ARFGEF1: variants seen among roughly 807,000 people sequenced by gnomAD.
The protein encoded by ARFGEF1 is brefeldin A-inhibited guanine nucleotide-exchange protein 1.
A neutral mutation model predicts 231.0 loss-of-function variants in ARFGEF1; 42 were observed. The observed-to-expected ratio is 0.18, with a 90% CI of 0.14 to 0.24. The LOEUF (loss-of-function observed/expected upper bound fraction) is 0.24, where lower values mean the gene tolerates loss of function less well. Ranked by LOEUF, ARFGEF1 falls within the 10% of genes least tolerant of loss-of-function variation. ARFGEF1 has a pLI of 1.00. For missense variants in ARFGEF1, 1,345 were observed against 2,192.0 expected (o/e 0.61, Z 7.72); for synonymous variants, 710 against 732.3 (o/e 0.97, Z 0.49).
chr8:67,193,650 T>C (rs749019476), downstream of ARFGEF1: 39 of 1,527,380 alleles, frequency 2.6e-5, no homozygotes, highest in Non-Finnish European at 3.4e-5. Context: ...GTATGAACTT[T>C]TAAACTTTCT....
intron 5 of ARFGEF1, among the ~76,000 whole-genome samples, chr8:67,176,756 A>G (rs1831749717): frequency 6.6e-6 from 1 of 152,124 alleles, no homozygotes; most frequent in African/African-American, 2.4e-5. Context: ...AGTAGACACT[A>G]TGAAGACCTA....
At chr8:67,301,892 T>C (rs138356128) in intron 2 of ARFGEF1, among the ~76,000 whole-genome samples, 1 of 152,224 alleles carries the variant, frequency 6.6e-6, no homozygotes. Flanking sequence ...CTTATTTATA[T>C]GAGAATCTTT....
intron 6 of ARFGEF1, among the ~76,000 whole-genome samples, chr8:67,289,776 C>G (rs1446382635): frequency 6.6e-6 from 1 of 152,080 alleles, no homozygotes; most frequent in Non-Finnish European, 1.5e-5. Flanking sequence ...CATTTAGAGT[C>G]TTCTGTGAAT....
intron 29 of ARFGEF1, among the ~76,000 whole-genome samples, chr8:67,222,471 G>T (rs1274048558): frequency 6.6e-6 from 1 of 151,574 alleles, no homozygotes; most frequent in Non-Finnish European, 1.5e-5. Flanking sequence ...TTTTTATTTT[G>T]AGACAGAGTC....
At chr8:67,231,534 T>C (rs1188991871) in intron 23 of ARFGEF1, among the ~76,000 whole-genome samples, 1 of 152,048 alleles carries the variant, frequency 6.6e-6, no homozygotes, top group African/African-American at 2.4e-5. Flanking sequence ...TCATATAAAG[T>C]ACATTATAAA....
At chr8:67,310,092 C>G (rs1353475834) in intron 1 of ARFGEF1, among the ~76,000 whole-genome samples, 1 of 151,850 alleles carries the variant, frequency 6.6e-6, no homozygotes, top group African/African-American at 2.4e-5. Flanking sequence ...AATCGCTCCC[C>G]TCTCCCTCTC....
chr8:67,276,053 T>C lies in ARFGEF1; in HGVS notation c.1260A>G (p.Gln420=). 6.2e-7 allele frequency: 1 copy of C among 1,613,508 alleles called. No homozygotes were observed. Reference sequence around the variant, plus strand: ...ACCTGAATACTAGAAAGGCATCCTTTTGTAAAATGTGGGAAAACTTAGCAC... The same window carrying C: ...ACCTGAATACTAGAAAGGCATCCTTCTGTAAAATGTGGGAAAACTTAGCAC... The part of the protein sequence containing the change: ...SPGAKFSHIL[Q]KDAFLVFRSL... Residue 420 remains glutamine (Q), a synonymous_variant, in exon 9 of 39, where the codon CAA becomes CAG. Transcript: ENST00000262215.
intron 5 of ARFGEF1, among the ~76,000 whole-genome samples, chr8:67,188,751 T>G (rs1835380483): frequency 6.6e-6 from 1 of 152,108 alleles, no homozygotes; most frequent in Admixed American, 6.5e-5. Context: ...TCCAGCGGGG[T>G]GGCACCCACT....
chr8:67,197,630 A>AATGAAAC, downstream of ARFGEF1: 1 of 985,832 alleles, frequency 1.0e-6, no homozygotes, highest in Non-Finnish European at 1.2e-6. Flanking sequence ...GACCAGAATC[A>AATGAAAC]ATGAAACATG....
chr8:67,177,508 T>TGGATGCAG (rs1831981565), intron 5 of ARFGEF1, among the ~76,000 whole-genome samples: 1 of 152,270 alleles, frequency 6.6e-6, no homozygotes, highest in African/African-American at 2.4e-5. Context: ...GCAGCTAGAA[T>TGGATGCAG]GGATGCAGGG....
At chr8:67,222,416 C>G (rs907594693) in intron 29 of ARFGEF1, among the ~76,000 whole-genome samples, 1 of 151,292 alleles carries the variant, frequency 6.6e-6, no homozygotes, top group African/African-American at 2.4e-5. Context: ...CAGGTGTGCA[C>G]CACCACACCC....
intron 34 of ARFGEF1, among the ~76,000 whole-genome samples, chr8:67,211,254 G>T (rs1247592470): frequency 1.4e-5 from 2 of 147,770 alleles, no homozygotes; most frequent in Non-Finnish European, 3.0e-5. Flanking sequence ...TGAGGCAGAA[G>T]AATTGCTTGA....
intron 7 of ARFGEF1, among the ~76,000 whole-genome samples, chr8:67,279,367 T>C (rs1016824920): frequency 1.3e-5 from 2 of 152,074 alleles, no homozygotes; most frequent in Non-Finnish European, 2.9e-5. Flanking sequence ...CAAAAATACA[T>C]CTCTTCCTGC....
At chr8:67,260,760 C>T (rs1325483826) in intron 14 of ARFGEF1, among the ~76,000 whole-genome samples, 1 of 152,200 alleles carries the variant, frequency 6.6e-6, no homozygotes, top group Admixed American at 6.5e-5. Flanking sequence ...GTGAGGAAGG[C>T]ATGTCAAAAG....
intron 1 of ARFGEF1, among the ~76,000 whole-genome samples, chr8:67,305,806 G>A (rs895159591): frequency 6.6e-6 from 1 of 152,086 alleles, no homozygotes; most frequent in South Asian, 2.1e-4. Context: ...AGACCTCAGC[G>A]GATGCCTGAA....
At chr8:67,305,046 C>T (rs900288222) in intron 1 of ARFGEF1, among the ~76,000 whole-genome samples, 2 of 152,054 alleles carry the variant, frequency 1.3e-5, no homozygotes, top group African/African-American at 2.4e-5. Flanking sequence ...AAAATAATTA[C>T]AGAATAGGAT....
chr8:67,212,718 G>A (rs143318159), intron 33 of ARFGEF1, among the ~76,000 whole-genome samples: 5 of 149,078 alleles, frequency 3.4e-5, no homozygotes, highest in Non-Finnish European at 7.4e-5. Flanking sequence ...TGTGTTACCA[G>A]AAATAGTAAT....
chr8:67,286,812 C>T (rs1260267397), intron 7 of ARFGEF1, among the ~76,000 whole-genome samples: 1 of 152,114 alleles, frequency 6.6e-6, no homozygotes, highest in African/African-American at 2.4e-5. Context: ...GAATGACTCC[C>T]ATCTATAGCA....
chr8:67,287,897 CCA>C (rs1587227830), intron 7 of ARFGEF1, 56 bp downstream of exon 7: 1 of 1,206,346 alleles, frequency 8.3e-7, no homozygotes, highest in East Asian at 2.8e-5. Flanking sequence ...TACAAAGTCT[CCA>C]CAGTCAGATG....
Sources: gnomAD v4.1 joint callset for allele counts (sites outside exome capture counted in the v4.1 genomes callset) on GRCh38, gnomAD v4.1.1 for gene constraint, MANE v1.5 for transcripts, NCBI Gene and HGNC (gene_info 2026-07-23, HGNC 2026-07-21) for gene names.